SNX29: variants seen among roughly 807,000 people sequenced by gnomAD.
SNX29 encodes the protein sorting nexin 29, also known as sorting nexin-29.
SNX29 carries 78 observed loss-of-function variants against 102.1 expected under a neutral mutation model. The ratio of observed to expected loss-of-function variants is 0.76; its 90% CI spans 0.64 to 0.92. The LOEUF (loss-of-function observed/expected upper bound fraction) is 0.92, where lower values mean the gene tolerates loss of function less well. Among genes scored for constraint, SNX29 ranks in the 40% least tolerant of loss-of-function variants. The pLI is 0.00. For synonymous variants in SNX29, 580 were observed against 414.5 expected (o/e 1.40, Z -4.85); for missense variants, 1,280 against 1,061.7 (o/e 1.21, Z -2.86).
chr16:12,558,006 G>T (rs1471664284), intron 20 of SNX29, among the ~76,000 whole-genome samples: 1 of 152,166 alleles, frequency 6.6e-6, no homozygotes, highest in Non-Finnish European at 1.5e-5. Context: ...GTTGGGCTGG[G>T]TGCTGCAGTG....
intron 20 of SNX29, among the ~76,000 whole-genome samples, chr16:12,550,629 C>T (rs201464692): frequency 1.4e-5 from 2 of 147,834 alleles, no homozygotes; most frequent in South Asian, 2.6e-4. Context: ...TGTAGAAAGA[C>T]ACATTAAAAA....
intron 3 of SNX29, among the ~76,000 whole-genome samples, chr16:12,016,440 A>G (rs1173894595): frequency 1.3e-5 from 2 of 152,342 alleles, no homozygotes; most frequent in African/African-American, 2.4e-5. Context: ...CTTGCCAACA[A>G]TAATTTCACT....
At chr16:11,987,654 C>G (rs1750548854) in intron 1 of SNX29, among the ~76,000 whole-genome samples, 1 of 152,160 alleles carries the variant, frequency 6.6e-6, no homozygotes, top group African/African-American at 2.4e-5. Flanking sequence ...CTTGGCTTCC[C>G]AAAGTGCTGG....
At chr16:12,505,209 C>T (rs2089317703) in intron 19 of SNX29, among the ~76,000 whole-genome samples, 1 of 152,164 alleles carries the variant, frequency 6.6e-6, no homozygotes, top group Non-Finnish European at 1.5e-5. Flanking sequence ...AGTGGAACTG[C>T]CAGGTCATGT....
intron 13 of SNX29, among the ~76,000 whole-genome samples, chr16:12,193,986 C>A (rs1352256858): frequency 6.6e-6 from 1 of 152,178 alleles, no homozygotes; most frequent in African/African-American, 2.4e-5. Flanking sequence ...CTTTGTCTTT[C>A]CATATGAATG....
intron 8 of SNX29, 124 bp from the exon 9 acceptor site, chr16:12,061,404 C>G (rs544106875): frequency 2.8e-6 from 2 of 720,996 alleles, no homozygotes; most frequent in East Asian, 5.4e-5. Context: ...GCCCACACCT[C>G]CTTCTGTTCT....
At chr16:12,559,404 G>C (rs879318642) in intron 20 of SNX29, among the ~76,000 whole-genome samples, 9 of 151,032 alleles carry the variant, frequency 6.0e-5, no homozygotes, top group Non-Finnish European at 1.2e-4. Context: ...CCCCCTGAAG[G>C]GACCATCTAG....
chr16:12,413,074 C>CTTTTG (rs939393315), intron 18 of SNX29, among the ~76,000 whole-genome samples: 9 of 152,154 alleles, frequency 5.9e-5, no homozygotes, highest in Non-Finnish European at 1.0e-4. Context: ...AGATTGGCAG[C>CTTTTG]TTTTGTTTTG....
chr16:11,979,256 C>T (rs1044273542), intron 1 of SNX29, among the ~76,000 whole-genome samples: 18 of 101,118 alleles, frequency 1.8e-4, no homozygotes, highest in African/African-American at 7.3e-4. Flanking sequence ...GCCTGGGCAA[C>T]AGAGTGAGAC....
intron 13 of SNX29, among the ~76,000 whole-genome samples, chr16:12,154,352 C>G (rs1233104256): frequency 6.6e-6 from 1 of 151,722 alleles, no homozygotes; most frequent in Non-Finnish European, 1.5e-5. Context: ...TGAGACCCCC[C>G]ACAGTGGGAG....
intron 19 of SNX29, among the ~76,000 whole-genome samples, chr16:12,490,021 G>A (rs917643088): frequency 6.6e-6 from 1 of 152,112 alleles, no homozygotes; most frequent in Non-Finnish European, 1.5e-5. Context: ...GGCCAGGCTG[G>A]TCTCAAACTC....
At chr16:12,424,084 C>G (rs1472763971) in intron 18 of SNX29, among the ~76,000 whole-genome samples, 1 of 152,224 alleles carries the variant, frequency 6.6e-6, no homozygotes, top group Non-Finnish European at 1.5e-5. Flanking sequence ...TACGTTAGAG[C>G]CTCAGAGGCG....
At chr16:12,567,756 GTC>G (rs138032820) in intron 20 of SNX29, among the ~76,000 whole-genome samples, 70 of 152,280 alleles carry the variant, frequency 4.6e-4, no homozygotes, top group African/African-American at 1.6e-3. Flanking sequence ...AGTCGAGACT[GTC>G]TCCAGAAAAT....
intron 19 of SNX29, among the ~76,000 whole-genome samples, chr16:12,488,485 G>C (rs1273791034): frequency 6.6e-6 from 1 of 152,188 alleles, no homozygotes; most frequent in Non-Finnish European, 1.5e-5. Context: ...TTAGAGGGCA[G>C]AGCCTGGTCT....
intron 11 of SNX29, among the ~76,000 whole-genome samples, chr16:12,100,529 A>G (rs981932872): frequency 6.6e-6 from 1 of 152,034 alleles, no homozygotes; most frequent in African/African-American, 2.4e-5. Context: ...TGCATGCTGG[A>G]GGGGCTGCTG....
At chr16:12,278,375 T>A (rs1461760056) in intron 15 of SNX29, among the ~76,000 whole-genome samples, 2 of 152,158 alleles carry the variant, frequency 1.3e-5, no homozygotes, top group African/African-American at 4.8e-5. Flanking sequence ...TGTGAAAATA[T>A]GGATGAGGTG....
At position 12,440,389 on chromosome 16, in the gene SNX29, C is replaced by T. The variant is rs191467578; in HGVS notation, c.2037+36860C>T. On this transcript the variant is annotated intron_variant, in intron 18 of 20. Transcript: ENST00000566228. ...TGTTAGCAGGCAGTCTCCATCACCC[C>T]CACAACCCTTCCCCTCCTAGCCCTT... Among the ~76,000 whole-genome samples, 415 of 152,302 alleles carry T rather than the reference C, an allele frequency of 2.7e-3. 1 individual carries two copies. The highest frequency in any genetic ancestry group is 0.014 in the Middle Eastern group (4 of 294).
chr16:12,166,104 G>T (rs113604838), intron 13 of SNX29, among the ~76,000 whole-genome samples: 4 of 152,198 alleles, frequency 2.6e-5, no homozygotes, highest in Non-Finnish European at 5.9e-5. Context: ...TGCCGTTATC[G>T]TAATAATAGT....
chr16:12,409,400 A>G (rs8047934), intron 18 of SNX29, among the ~76,000 whole-genome samples: 72,995 of 148,366 alleles, frequency 0.49, 18,963 homozygotes, highest in Non-Finnish European at 0.58. Flanking sequence ...CCTGACTCCA[A>G]ACGGGTTTGA....
Sources: gnomAD v4.1 joint callset for allele counts (sites outside exome capture counted in the v4.1 genomes callset) on GRCh38, gnomAD v4.1.1 for gene constraint, MANE v1.5 for transcripts, NCBI Gene and HGNC (gene_info 2026-07-23, HGNC 2026-07-21) for gene names.